Variants in OPA3 observed in about 807,000 individuals in gnomAD.
OPA3 encodes the protein outer mitochondrial membrane lipid metabolism regulator OPA3, also known as optic atrophy 3 protein.
A neutral mutation model predicts 4.0 loss-of-function variants in OPA3; 6 were observed. That is an observed-to-expected ratio of 1.51 (90% CI 0.83 to 2.99). OPA3 has a LOEUF of 2.99. Ranked by LOEUF, OPA3 falls within the 30% of genes most tolerant of loss-of-function variation. The probability of loss-of-function intolerance (pLI) is 0.00; values close to 1 mark genes in which losing one functional copy is unlikely to be tolerated. For missense variants in OPA3, 235 were observed against 256.2 expected (o/e 0.92, Z 0.56); for synonymous variants, 105 against 117.1 (o/e 0.90, Z 0.67).
Position 45,553,714 on chromosome 19 carries a change from C to G in OPA3, c.340G>C (p.Glu114Gln). 2 of 1,609,370 alleles carry G rather than the reference C, an allele frequency of 1.2e-6. No homozygotes were observed. The highest frequency in any genetic ancestry group is 1.7e-6 in the Non-Finnish European group (2 of 1,179,376). ...HQAQQRHKEE[E>Q]QRAAWNALRD... ...AGCGCGTTCCAGGCAGCACGCTGCT[C>G]CTCCTCCTTGTGGCGCTGCTGCGCC... The change falls in exon 2 of 2, where the codon GAG becomes CAG. Residue 114 changes from glutamate to glutamine, a missense_variant. Coordinates refer to ENST00000263275, the MANE Select transcript of OPA3 (RefSeq NM_025136.4).
chr19:45,582,399 C>T (rs1242480726), intron 1 of OPA3, among the ~76,000 whole-genome samples: 1 of 151,928 alleles, frequency 6.6e-6, no homozygotes, highest in Non-Finnish European at 1.5e-5. Flanking sequence ...ACCTCAGGTG[C>T]TCCACCCCCC....
In OPA3 at chr19:45,574,785, A is replaced by G. The variant is rs376528235; in HGVS notation, c.142+9838T>C. On this transcript the variant is annotated intron_variant, in intron 1 of 1. Transcript: ENST00000263275. ...AGTGTGGTGGAAATGACGCTGGAAG[A>G]TTCCAGGCCTTGCCCTTAAATAACC... 5.6e-4 allele frequency among the ~76,000 whole-genome samples: 86 copies of G among 152,316 alleles called. 1 individual carries two copies. The highest frequency in any genetic ancestry group is 2.0e-3 in the African/African-American group (85 of 41,564).
At chr19:45,565,072 GA>G (rs368647697) in intron 1 of OPA3, among the ~76,000 whole-genome samples, 6,116 of 144,570 alleles carry the variant, frequency 0.042, 249 homozygotes, top group African/African-American at 0.1. Context: ...TAAAAATAAA[GA>G]AAAAAAAAAA....
In OPA3 at chr19:45,578,758, C is replaced by T. The variant is rs965813241; in HGVS notation, c.142+5865G>A. 5.3e-5 allele frequency among the ~76,000 whole-genome samples: 8 copies of T among 152,102 alleles called. No homozygotes were observed. In the East Asian group the frequency reaches 7.7e-4, roughly 15 times the overall value. The stretch of plus-strand genomic sequence containing the variant: ...AGGAGAATCACTTGAACCCGGGAGG[C>T]GGAAGTTGTGGTGAGCCAAGATCAC... On this transcript the variant is annotated intron_variant, in intron 1 of 1. Transcript: ENST00000263275.
At chr19:45,575,616 T>C (rs1219505311) in intron 1 of OPA3, among the ~76,000 whole-genome samples, 3 of 151,868 alleles carry the variant, frequency 2.0e-5, no homozygotes, top group African/African-American at 7.3e-5. Flanking sequence ...CAAATTATTA[T>C]TATTATTTGA....
downstream of OPA3, among the ~76,000 whole-genome samples, chr19:45,543,360 G>A (rs1224745281): frequency 6.7e-6 from 1 of 149,740 alleles, no homozygotes; most frequent in Non-Finnish European, 1.5e-5. Flanking sequence ...TCGCTCTGTT[G>A]CCCAGGCTGG....
intron 1 of OPA3, among the ~76,000 whole-genome samples, chr19:45,534,621 A>T (rs1969096438): frequency 1.4e-5 from 2 of 146,142 alleles, no homozygotes; most frequent in Admixed American, 1.4e-4. Flanking sequence ...ATACTTTTCC[A>T]CTGAACCCCT....
Position 45,548,790 on chromosome 19 carries a change from CTTATTTATTTAT to C in OPA3, c.*4712_*4723del, listed in dbSNP as rs58537694. ...TATTTTTCCTAAGGTTGACATGGAC[CTTATTTATTTAT>C]TTATTTATTTATTTATTTAGAGATG... is the stretch of plus-strand genomic sequence containing the variant. On this transcript the variant is annotated 3_prime_UTR_variant, in exon 2 of 2. Transcript: ENST00000263275. The C allele has an allele frequency of 2.2e-5, 12 of 547,024 alleles. No individual in the cohort carries two copies. The highest frequency in any genetic ancestry group is 2.5e-5 in the Non-Finnish European group (11 of 434,528). 33.9% of individuals were successfully genotyped at this position (547,024 alleles called of 1,614,324 possible). A position where few individuals can be genotyped will look rare whatever the true frequency, so the allele number is the denominator to read the frequency against.
In OPA3 at chr19:45,529,193, A is replaced by G. The variant is rs535476484; in HGVS notation, c.406T>C (p.Leu136=). Residue 136 remains leucine, a synonymous_variant, in exon 2 of 2, where the codon TTG becomes CTG. Coordinates refer to the OPA3 transcript ENST00000323060. ...GACGTCGCCTGCACCTGCGCCTGCA[A>G]CTCCTCGAGCGCCAGCCCCAAGTGG... 2.6e-5 allele frequency: 42 copies of G among 1,610,752 alleles called. No individual in the cohort carries two copies. In the South Asian group the frequency reaches 3.4e-4, roughly 13 times the overall value.
Position 45,551,024 on chromosome 19 carries a change from G to C in OPA3, c.*2490C>G. The C allele has an allele frequency of 1.1e-6, 1 of 904,376 alleles. No individual in the cohort carries two copies. The highest frequency in any genetic ancestry group is 1.2e-4 in the East Asian group (1 of 8,454). 56.0% of individuals were successfully genotyped at this position (904,376 alleles called of 1,614,324 possible). The stretch of plus-strand genomic sequence containing the variant: ...CATCCAGGCTGGAGTGTAGTGGCGC[G>C]ATCACGGCTCGCTGCAGCCTCGACC... On this transcript the variant is annotated 3_prime_UTR_variant, in exon 2 of 2. Coordinates refer to ENST00000263275, the MANE Select transcript of OPA3 (RefSeq NM_025136.4).
chr19:45,544,997 C>CAAAAACA (rs375035788), downstream of OPA3, among the ~76,000 whole-genome samples: 5 of 145,674 alleles, frequency 3.4e-5, no homozygotes, highest in African/African-American at 1.3e-4. Context: ...AAAACAAAAA[C>CAAAAACA]AAAAACAAAA....
chr19:45,536,548 CAAAA>C (rs34377614), intron 1 of OPA3, among the ~76,000 whole-genome samples: 1 of 96,436 alleles, frequency 1.0e-5, no homozygotes. Flanking sequence ...AACTCTGTCT[CAAAA>C]AAAAAAAAAA....
At chr19:45,570,980 G>GGGC (rs1969655574) in intron 1 of OPA3, among the ~76,000 whole-genome samples, 1 of 99,490 alleles carries the variant, frequency 1.0e-5, no homozygotes, top group East Asian at 4.1e-4. Context: ...AAACTATTTG[G>GGGC]GGGGGGGGGG....
At chr19:45,532,441 A>G (rs1392171515) in intron 1 of OPA3, among the ~76,000 whole-genome samples, 1 of 152,148 alleles carries the variant, frequency 6.6e-6, no homozygotes, top group Admixed American at 6.6e-5. Flanking sequence ...CTTGCAGTCA[A>G]TGACAGAAGT....
intron 1 of OPA3, among the ~76,000 whole-genome samples, chr19:45,574,604 C>G (rs12978140): frequency 0.24 from 37,154 of 151,772 alleles, 5,398 homozygotes; most frequent in Middle Eastern, 0.37. Context: ...GCTGCCTGCT[C>G]AAAGTCACAT....
chr19:45,554,464 C>G (rs979533621), intron 1 of OPA3, among the ~76,000 whole-genome samples: 2 of 152,150 alleles, frequency 1.3e-5, no homozygotes, highest in African/African-American at 4.8e-5. Context: ...CCTGAAGGTG[C>G]AGCTAAGAGC....
At chr19:45,541,463 T>C (rs372844061), downstream of OPA3, among the ~76,000 whole-genome samples, 14 of 152,178 alleles carry the variant, frequency 9.2e-5, no homozygotes, top group South Asian at 1.9e-3. Flanking sequence ...CCCAGCACTT[T>C]GGGAGGCTGA....
In OPA3 at chr19:45,537,696, G is replaced by A. The variant is rs558327513; in HGVS notation, c.143-8240C>T. On this transcript the variant is annotated intron_variant, in intron 1 of 1. Transcript: ENST00000323060. Reference sequence around the variant, plus strand: ...TGCCCAGGCTGGAGTGCAGTGGTGCGATCTCGGCTCACTGCAACCTCTGCC... The same window carrying A: ...TGCCCAGGCTGGAGTGCAGTGGTGCAATCTCGGCTCACTGCAACCTCTGCC... Among the ~76,000 whole-genome samples the A allele has an allele frequency of 3.5e-4, 53 of 151,860 alleles. No homozygotes were observed. In the South Asian group the frequency reaches 7.7e-3, roughly 22 times the overall value.
chr19:45,544,857 C>T (rs1196656950), downstream of OPA3, among the ~76,000 whole-genome samples: 1 of 151,208 alleles, frequency 6.6e-6, no homozygotes, highest in African/African-American at 2.4e-5. Context: ...GTGGCCCATG[C>T]CTGTAATCCC....
Sources: gnomAD v4.1 joint callset for allele counts (sites outside exome capture counted in the v4.1 genomes callset) on GRCh38, gnomAD v4.1.1 for gene constraint, MANE v1.5 for transcripts, NCBI Gene and HGNC (gene_info 2026-07-23, HGNC 2026-07-21) for gene names.